The following ZNF503 variants were observed in gnomAD, a reference collection of about 807,000 sequenced individuals.
ZNF503 encodes the protein zinc finger protein 503, also known as NocA-like zinc finger 2.
Under a neutral mutation model 34.4 loss-of-function variants are expected in ZNF503, and 15 were observed. The observed-to-expected ratio is 0.44, with a 90% confidence interval of 0.29 to 0.67. The LOEUF is 0.67. Ranked by LOEUF, ZNF503 falls within the 30% of genes least tolerant of loss-of-function variation. The pLI, the probability that ZNF503 is intolerant of heterozygous loss-of-function variation, is 0.13. For missense variants in ZNF503, 1,007 were observed against 926.8 expected, an observed-to-expected ratio of 1.09 and a Z score of -1.12; for synonymous variants, 580 against 456.8, an observed-to-expected ratio of 1.27 and a Z score of -3.44.
chr10:75,312,319 A>C, the ZNF503 span, among the ~76,000 whole-genome samples: 1 of 152,246 alleles, frequency 6.6e-6, no homozygotes, highest in Non-Finnish European at 1.5e-5. Flanking sequence ...AAATACAATA[A>C]CTAAAATAAA....
chr10:75,387,401 T>G, the ZNF503 span, among the ~76,000 whole-genome samples: 1 of 152,266 alleles, frequency 6.6e-6, no homozygotes, highest in African/African-American at 2.4e-5. Context: ...AGTCTCAGTT[T>G]TCTCTTTTGT....
At chr10:75,373,482 T>A in the ZNF503 span, 22 of 152,348 alleles carry the variant, frequency 1.4e-4, no homozygotes, top group African/African-American at 5.3e-4. Flanking sequence ...CCTCGCAGAC[T>A]CTGGGAACCC....
chr10:75,383,716 A>G, the ZNF503 span, among the ~76,000 whole-genome samples: 1 of 152,182 alleles, frequency 6.6e-6, no homozygotes, highest in African/African-American at 2.4e-5. Context: ...TTCATTTGCT[A>G]TCTGTTCATT....
At chr10:75,317,631 T>G in the ZNF503 span, among the ~76,000 whole-genome samples, 3 of 152,032 alleles carry the variant, frequency 2.0e-5, no homozygotes, top group Non-Finnish European at 4.4e-5. Context: ...TCAACATAAG[T>G]TTTGGAGATG....
chr10:75,325,477 G>C, the ZNF503 span, among the ~76,000 whole-genome samples: 1 of 151,734 alleles, frequency 6.6e-6, no homozygotes, highest in Non-Finnish European at 1.5e-5. Flanking sequence ...ACAGGTGCAA[G>C]GCACAGCACC....
At chr10:75,281,424 G>A in the ZNF503 span, among the ~76,000 whole-genome samples, 1 of 152,136 alleles carries the variant, frequency 6.6e-6, no homozygotes, top group Non-Finnish European at 1.5e-5. Flanking sequence ...ACTGTCGAGT[G>A]TGCCGCCTGG....
the ZNF503 span, among the ~76,000 whole-genome samples, chr10:75,392,456 A>C: frequency 6.6e-6 from 1 of 152,126 alleles, no homozygotes; most frequent in Non-Finnish European, 1.5e-5. Context: ...GTGGGGGGAA[A>C]ATCTAGAGGG....
chr10:75,373,217 CTCTA>C, the ZNF503 span, among the ~76,000 whole-genome samples: 1 of 152,250 alleles, frequency 6.6e-6, no homozygotes, highest in Non-Finnish European at 1.5e-5. Flanking sequence ...AAAGTTATGG[CTCTA>C]TCTGTGTGGC....
Position 75,399,216 on chromosome 10 carries a change from G to A in ZNF503, c.1474C>T (p.Pro492Ser). 1 of 1,594,484 alleles carries A rather than the reference G, an allele frequency of 6.3e-7. No homozygotes were observed. The change falls in exon 2 of 2, where the codon CCG (proline) becomes TCG (serine). Residue 492 changes from proline to serine, a missense_variant. Coordinates refer to ENST00000372524, the MANE Select transcript of ZNF503 (RefSeq NM_032772.6). ...AGGGGGTGGCCGGCCAGGGAGGGCG[G>A]TGTGGCGCCAGCAGCCGCGGCGGCC... is the stretch of plus-strand genomic sequence containing the variant. ...LTAAAAAGAT[P>S]PSLAGHPLYP...
chr10:75,364,937 G>T, the ZNF503 span, among the ~76,000 whole-genome samples: 1 of 152,168 alleles, frequency 6.6e-6, no homozygotes, highest in Admixed American at 6.5e-5. Context: ...GTTAATGGAT[G>T]ATAGCACCAT....
chr10:75,313,395 G>C, the ZNF503 span, among the ~76,000 whole-genome samples: 77 of 152,308 alleles, frequency 5.1e-4, no homozygotes, highest in Non-Finnish European at 8.8e-4. Flanking sequence ...TCAGTCCCAA[G>C]AGAGACCCCC....
chr10:75,307,988 G>A, the ZNF503 span, among the ~76,000 whole-genome samples: 31 of 152,336 alleles, frequency 2.0e-4, no homozygotes, highest in South Asian at 5.6e-3. Flanking sequence ...GCTGAGGCAG[G>A]AGGATCACTT....
At chr10:75,300,295 C>G in the ZNF503 span, among the ~76,000 whole-genome samples, 1 of 152,322 alleles carries the variant, frequency 6.6e-6, no homozygotes, top group African/African-American at 2.4e-5. Flanking sequence ...ATTCCCTGAA[C>G]AATTGCTGTT....
At chr10:75,372,179 G>A in the ZNF503 span, among the ~76,000 whole-genome samples, 20 of 152,304 alleles carry the variant, frequency 1.3e-4, no homozygotes, top group South Asian at 3.1e-3. Flanking sequence ...TGATCAGCCC[G>A]CCTTAGCCTC....
the ZNF503 span, among the ~76,000 whole-genome samples, chr10:75,290,043 T>A: frequency 1.3e-5 from 2 of 152,200 alleles, no homozygotes; most frequent in African/African-American, 4.8e-5. Flanking sequence ...ATTCTACTTT[T>A]TGTCTCTATG....
chr10:75,371,038 C>T, the ZNF503 span, among the ~76,000 whole-genome samples: 38 of 152,046 alleles, frequency 2.5e-4, no homozygotes, highest in African/African-American at 8.9e-4. Context: ...GAAAAAGGGT[C>T]CAGGGAAAGA....
chr10:75,318,469 T>C, the ZNF503 span, among the ~76,000 whole-genome samples: 14 of 151,658 alleles, frequency 9.2e-5, no homozygotes, highest in African/African-American at 3.2e-4. Flanking sequence ...AAGAATTTGA[T>C]GCCAGCCTGG....
chr10:75,346,067 T>G, the ZNF503 span, among the ~76,000 whole-genome samples: 1 of 152,246 alleles, frequency 6.6e-6, no homozygotes, highest in Non-Finnish European at 1.5e-5. Flanking sequence ...AAATGAGAGA[T>G]CCTGATGAAA....
chr10:75,393,142 C>A (rs1010678947), downstream of ZNF503, among the ~76,000 whole-genome samples: 1 of 152,188 alleles, frequency 6.6e-6, no homozygotes, highest in African/African-American at 2.4e-5. Flanking sequence ...GCCCAGATAC[C>A]CCCTGGGCTC....
Sources: allele counts gnomAD v4.1 joint callset (sites outside exome capture counted in the v4.1 genomes callset), GRCh38; gene constraint gnomAD v4.1.1; transcripts MANE v1.5; gene names NCBI Gene and HGNC (gene_info 2026-07-23, HGNC 2026-07-21).